Variants in TDRD1 observed in about 807,000 individuals in gnomAD.
TDRD1 encodes the protein tudor domain-containing protein 1.
In TDRD1, 37 loss-of-function variants were observed where a neutral mutation model predicts 140.6. The ratio of observed to expected loss-of-function variants is 0.26; its 90% CI spans 0.20 to 0.35. TDRD1 has a LOEUF of 0.35. Ranked by LOEUF, TDRD1 falls within the 10% of genes least tolerant of loss-of-function variation. The pLI, the probability that TDRD1 is intolerant of heterozygous loss-of-function variation, is 1.00. For missense variants in TDRD1, 1,243 were observed against 1,393.0 expected (o/e 0.89, Z 1.71); for synonymous variants, 506 against 475.7 (o/e 1.06, Z -0.83).
chr10:114,179,968 T>A (rs529090020), intron 1 of TDRD1: 1 of 152,360 alleles, frequency 6.6e-6, no homozygotes, highest in East Asian at 1.9e-4. Flanking sequence ...CGGTGCTGTA[T>A]GCTTAAATCC....
At chr10:114,193,907 T>C (rs941138022) in intron 3 of TDRD1, among the ~76,000 whole-genome samples, 1 of 152,202 alleles carries the variant, frequency 6.6e-6, no homozygotes, top group Non-Finnish European at 1.5e-5. Context: ...CTTTTTATCA[T>C]AAGTAGGTGT....
intron 3 of TDRD1, among the ~76,000 whole-genome samples, chr10:114,194,727 TTTTG>T (rs1462408992): frequency 2.6e-5 from 4 of 151,540 alleles, no homozygotes; most frequent in African/African-American, 4.8e-5. Context: ...TTGGGGGTTT[TTTTG>T]TTTGTCTTTT....
chr10:114,221,499 A>G (rs371907558), intron 20 of TDRD1, 23 bp downstream of exon 20: 5 of 1,605,622 alleles, frequency 3.1e-6, no homozygotes, highest in Non-Finnish European at 4.3e-6. Context: ...AATTTGAGAC[A>G]TATTTATGCT....
intron 25 of TDRD1, chr10:114,228,467 A>G (rs1011435306): frequency 1.4e-5 from 15 of 1,043,298 alleles, no homozygotes; most frequent in Admixed American, 5.1e-5. Context: ...TTTTTTGTCT[A>G]GATCTGAAAT....
chr10:114,211,925 G>A, exon 14 of TDRD1: 1 of 1,611,856 alleles, frequency 6.2e-7, no homozygotes, highest in Non-Finnish European at 8.5e-7. Context: ...ATCTGTACTG[G>A]TCGGATATGT....
chr10:114,194,044 A>T (rs2034172147), intron 3 of TDRD1, among the ~76,000 whole-genome samples: 1 of 152,082 alleles, frequency 6.6e-6, no homozygotes, highest in Non-Finnish European at 1.5e-5. Flanking sequence ...CCTGAAATGA[A>T]CTCCACTTGG....
At chr10:114,201,809 G>A (rs76030886) in intron 5 of TDRD1, among the ~76,000 whole-genome samples, 1,608 of 152,216 alleles carry the variant, frequency 0.011, 19 homozygotes, top group African/African-American at 0.037. Flanking sequence ...TAATAAGTTT[G>A]GAACTCTTAC....
At chr10:114,219,688 A>T (rs1347278622) in intron 18 of TDRD1, among the ~76,000 whole-genome samples, 1 of 151,682 alleles carries the variant, frequency 6.6e-6, no homozygotes, top group Non-Finnish European at 1.5e-5. Flanking sequence ...CCCAGATTCA[A>T]GCGATTCTCC....
At chr10:114,197,804 C>T (rs979886951) in intron 3 of TDRD1, among the ~76,000 whole-genome samples, 3 of 151,918 alleles carry the variant, frequency 2.0e-5, no homozygotes, top group Non-Finnish European at 2.9e-5. Context: ...ATTATGGGCA[C>T]GTGCCACCAT....
chr10:114,196,833 C>CTTTTTTTTTTTTTTTTTTTTTTT (rs36124319), intron 3 of TDRD1, among the ~76,000 whole-genome samples: 3 of 48,352 alleles, frequency 6.2e-5, no homozygotes, highest in Admixed American at 3.0e-4. Flanking sequence ...TTCTAGCAGT[C>CTTTTTTTTTTTTTTTTTTTTTTT]TTTTTTTTTT....
chr10:114,198,738 T>C (rs1200430098), intron 3 of TDRD1, among the ~76,000 whole-genome samples: 1 of 152,162 alleles, frequency 6.6e-6, no homozygotes, highest in African/African-American at 2.4e-5. Context: ...GCTACAGCCT[T>C]GAGCTCCTGA....
At chr10:114,230,013 A>T (rs951518428) in intron 25 of TDRD1, among the ~76,000 whole-genome samples, 1 of 151,846 alleles carries the variant, frequency 6.6e-6, no homozygotes, top group African/African-American at 2.4e-5. Flanking sequence ...TTGTATTTTT[A>T]GTAGAGACAG....
intron 19 of TDRD1, 135 bp downstream of exon 19, chr10:114,220,978 G>A (rs1168179822): frequency 9.9e-6 from 6 of 607,016 alleles, no homozygotes; most frequent in African/African-American, 9.3e-5. Context: ...GGTTAATATT[G>A]TATTATTATT....
intron 5 of TDRD1, among the ~76,000 whole-genome samples, chr10:114,201,860 T>G (rs1220338466): frequency 6.6e-6 from 1 of 152,250 alleles, no homozygotes; most frequent in African/African-American, 2.4e-5. Flanking sequence ...ATACATAAAT[T>G]GTACTTGCAT....
At chr10:114,217,423 ATAG>A (rs2035880491) in intron 16 of TDRD1, 119 bp from the exon 17 acceptor site, 1 of 540,014 alleles carries the variant, frequency 1.9e-6, no homozygotes, top group Non-Finnish European at 3.3e-6. Flanking sequence ...GGTAGACTTA[ATAG>A]TAGTTTAGGG....
At chr10:114,186,737 C>T (rs1247587614) in intron 1 of TDRD1, among the ~76,000 whole-genome samples, 1 of 152,206 alleles carries the variant, frequency 6.6e-6, no homozygotes, top group Admixed American at 6.5e-5. Flanking sequence ...TAGGGGTCTT[C>T]TCAGGGTCTG....
chr10:114,192,054 ATT>A (rs146888592), intron 3 of TDRD1, among the ~76,000 whole-genome samples: 1 of 145,484 alleles, frequency 6.9e-6, no homozygotes, highest in Non-Finnish European at 1.5e-5. Flanking sequence ...CTATTTTCTA[ATT>A]TTTTTTTTTT....
At chr10:114,192,401 T>C (rs968497428) in intron 3 of TDRD1, among the ~76,000 whole-genome samples, 3 of 149,790 alleles carry the variant, frequency 2.0e-5, no homozygotes, top group African/African-American at 7.4e-5. Context: ...CCTCCTGGGT[T>C]TACGCCATTT....
At chr10:114,215,284 T>C (rs2035745346) in intron 16 of TDRD1, among the ~76,000 whole-genome samples, 1 of 152,212 alleles carries the variant, frequency 6.6e-6, no homozygotes, top group Non-Finnish European at 1.5e-5. Context: ...TTCTGTGAAT[T>C]GTATTGCAGT....
Sources: allele counts gnomAD v4.1 joint callset (sites outside exome capture counted in the v4.1 genomes callset), GRCh38; gene constraint gnomAD v4.1.1; transcripts MANE v1.5; gene names NCBI Gene and HGNC (gene_info 2026-07-23, HGNC 2026-07-21).